Variants in BARD1 observed in about 807,000 individuals in gnomAD.
BARD1 encodes BRCA1 associated RING domain 1, also known as BRCA1-associated RING domain protein 1.
BARD1 carries 73 observed loss-of-function variants against 77.0 expected under a neutral mutation model. The observed-to-expected ratio is 0.95, with a 90% CI of 0.79 to 1.15. The LOEUF (loss-of-function observed/expected upper bound fraction) is 1.15, where lower values mean the gene tolerates loss of function less well. BARD1 is among the 50% of genes most tolerant of loss of function. The pLI is 0.00. For synonymous variants in BARD1, 384 were observed against 338.0 expected (o/e 1.14, Z -1.49); for missense variants, 993 against 938.8 (o/e 1.06, Z -0.75).
chr2:214,729,041 G>GTAA, intron 10 of BARD1, 33 bp from the exon 11 acceptor site: 1 of 1,597,122 alleles, frequency 6.3e-7, no homozygotes, highest in African/African-American at 1.3e-5. Context: ...GTTAAAGGCA[G>GTAA]ATCAAAATAC....
At chr2:214,802,572 ATT>A (rs111535702) in intron 1 of BARD1, among the ~76,000 whole-genome samples, 1,787 of 151,776 alleles carry the variant, frequency 0.012, 36 homozygotes, top group African/African-American at 0.04. Context: ...CTTAACTTTC[ATT>A]TTTTCTGAGC....
intron 6 of BARD1, among the ~76,000 whole-genome samples, chr2:214,755,517 G>A (rs189909809): frequency 1.3e-5 from 2 of 152,216 alleles, no homozygotes; most frequent in East Asian, 3.9e-4. Context: ...TCAACAAACA[G>A]GTATCAAACT....
At chr2:214,767,338 G>A in intron 6 of BARD1, 144 bp downstream of exon 6, 1 of 793,850 alleles carries the variant, frequency 1.3e-6, no homozygotes, top group Non-Finnish European at 2.1e-6. Context: ...GATTATGAGT[G>A]CAGAATGTGA....
intron 1 of BARD1, among the ~76,000 whole-genome samples, chr2:214,802,544 A>G (rs1272158647): frequency 6.6e-6 from 1 of 152,156 alleles, no homozygotes; most frequent in Non-Finnish European, 1.5e-5. Flanking sequence ...ATTAGACTCC[A>G]GCCCTAAGAC....
chr2:214,765,540 A>C (rs1431302925), intron 6 of BARD1, among the ~76,000 whole-genome samples: 1 of 152,204 alleles, frequency 6.6e-6, no homozygotes. Flanking sequence ...TAAAAGCTAG[A>C]TTCCCTAACG....
intron 9 of BARD1, among the ~76,000 whole-genome samples, chr2:214,735,351 G>A (rs1414370746): frequency 6.6e-6 from 1 of 152,118 alleles, no homozygotes; most frequent in Non-Finnish European, 1.5e-5. Flanking sequence ...GCTGAAAAGA[G>A]GAGGTAAAGT....
chr2:214,764,819 G>C (rs6706777), intron 6 of BARD1, among the ~76,000 whole-genome samples: 65,659 of 151,908 alleles, frequency 0.43, 14,251 homozygotes, highest in South Asian at 0.51. Flanking sequence ...CCAATCAGAT[G>C]AACAACAATG....
chr2:214,796,248 GGATAT>G (rs1695748804), intron 2 of BARD1, among the ~76,000 whole-genome samples: 1 of 152,078 alleles, frequency 6.6e-6, no homozygotes, highest in African/African-American at 2.4e-5. Context: ...GCCATCACAT[GGATAT>G]AATTTCACAA....
intron 9 of BARD1, among the ~76,000 whole-genome samples, chr2:214,735,033 A>G (rs776604151): frequency 6.6e-6 from 1 of 152,180 alleles, no homozygotes; most frequent in Non-Finnish European, 1.5e-5. Flanking sequence ...CAACTGATCA[A>G]TACTTAACTT....
At position 214,792,288 on chromosome 2, in the gene BARD1, A is replaced by T; in HGVS notation, c.364+9T>A. 1 of 1,612,930 alleles carries T rather than the reference A, an allele frequency of 6.2e-7. No homozygotes were observed. Among genetic ancestry groups the T allele is most frequent in the Non-Finnish European group, 8.5e-7 (1 of 1,179,368 alleles). ...GAATTTAACTAAGAGAGATAGGGATAGTTCTTACCTGACAGCTCATTGTCA... is the reference window on the plus strand; with the variant it reads ...GAATTTAACTAAGAGAGATAGGGATTGTTCTTACCTGACAGCTCATTGTCA... On this transcript the variant is annotated intron_variant, in intron 3 of 10. Transcript: ENST00000260947.
At chr2:214,737,290 C>T (rs913612439) in intron 9 of BARD1, among the ~76,000 whole-genome samples, 2 of 152,026 alleles carry the variant, frequency 1.3e-5, no homozygotes, top group Non-Finnish European at 2.9e-5. Flanking sequence ...CCTCAGCCTG[C>T]CGATTTGAAA....
At chr2:214,750,116 TC>T (rs1693336458) in intron 7 of BARD1, among the ~76,000 whole-genome samples, 1 of 152,106 alleles carries the variant, frequency 6.6e-6, no homozygotes, top group Non-Finnish European at 1.5e-5. Context: ...TCTGTTACTT[TC>T]CCCCATCTGA....
intron 4 of BARD1, among the ~76,000 whole-genome samples, chr2:214,776,223 G>GGTAGAAGGGTGTGGGGGAA (rs1468216974): frequency 6.6e-6 from 1 of 152,166 alleles, no homozygotes; most frequent in African/African-American, 2.4e-5. Context: ...TAGAGAACTT[G>GGTAGAAGGGTGTGGGGGAA]GTAGAAGGGT....
chr2:214,745,568 T>C (rs1199168807), intron 8 of BARD1, 154 bp downstream of exon 8: 3 of 885,266 alleles, frequency 3.4e-6, no homozygotes, highest in African/African-American at 1.7e-5. Flanking sequence ...AAGTAGTTTA[T>C]TACTGAAAAA....
chr2:214,742,395 T>C (rs758265239), intron 9 of BARD1, among the ~76,000 whole-genome samples: 2 of 152,126 alleles, frequency 1.3e-5, no homozygotes, highest in Admixed American at 1.3e-4. Flanking sequence ...CTATGAGAAA[T>C]ATATATTAGG....
chr2:214,797,230 G>A (rs1695801224), intron 1 of BARD1, 113 bp from the exon 2 acceptor site: 1 of 886,216 alleles, frequency 1.1e-6, no homozygotes, highest in African/African-American at 1.6e-5. Flanking sequence ...TCTCAAAGCA[G>A]AAGGTATTAA....
intron 1 of BARD1, 49 bp downstream of exon 1, chr2:214,809,363 C>G: frequency 1.2e-6 from 2 of 1,607,596 alleles, no homozygotes; most frequent in East Asian, 2.2e-5. Flanking sequence ...CCCCCAGAAA[C>G]TGTGCGACCC....
chr2:214,771,820 C>G (rs1694505610), intron 4 of BARD1, among the ~76,000 whole-genome samples: 1 of 150,586 alleles, frequency 6.6e-6, no homozygotes, highest in African/African-American at 2.4e-5. Context: ...AAAGTAAATT[C>G]TCATGCAACA....
At chr2:214,805,596 G>A (rs1283374952) in intron 1 of BARD1, among the ~76,000 whole-genome samples, 1 of 152,104 alleles carries the variant, frequency 6.6e-6, no homozygotes, top group Non-Finnish European at 1.5e-5. Flanking sequence ...CTCATTTTGT[G>A]CAGATGAAGA....
Sources: gnomAD v4.1 joint callset for allele counts (sites outside exome capture counted in the v4.1 genomes callset) on GRCh38, gnomAD v4.1.1 for gene constraint, MANE v1.5 for transcripts, NCBI Gene and HGNC (gene_info 2026-07-23, HGNC 2026-07-21) for gene names.